Variants in KLF8 observed in about 807,000 individuals in gnomAD.
KLF8 encodes the protein Krueppel-like factor 8.
Under a neutral mutation model 18.2 loss-of-function variants are expected in KLF8, and 10 were observed. The observed-to-expected ratio is 0.55, with a 90% confidence interval of 0.34 to 0.93. KLF8 has a LOEUF of 0.93. Ranked by LOEUF, KLF8 falls within the 40% of genes least tolerant of loss-of-function variation. KLF8 has a pLI of 0.02. For synonymous variants in KLF8, 109 were observed against 97.3 expected (o/e 1.12, Z -0.71); for missense variants, 264 against 277.9 (o/e 0.95, Z 0.36).
intron 1 of KLF8, among the ~76,000 whole-genome samples, chrX:56,239,505 T>C (rs1158946779): frequency 2.7e-5 from 3 of 112,313 alleles, no homozygotes; most frequent in Non-Finnish European, 5.6e-5. Context: ...TGACCTAGAC[T>C]GCAAATTTAC....
the KLF8 span, among the ~76,000 whole-genome samples, chrX:56,183,944 T>G: frequency 9.0e-6 from 1 of 110,629 alleles, no homozygotes; most frequent in Admixed American, 9.6e-5. Context: ...CCATGAGCGA[T>G]GCAGAAGATG....
At chrX:56,092,251 T>A in the KLF8 span, among the ~76,000 whole-genome samples, 2 of 111,890 alleles carry the variant, frequency 1.8e-5, no homozygotes, top group Non-Finnish European at 3.8e-5. Context: ...GCAAATACTT[T>A]CTTCCATTCT....
chrX:56,053,194 T>G, the KLF8 span, among the ~76,000 whole-genome samples: 1 of 112,204 alleles, frequency 8.9e-6, no homozygotes, highest in African/African-American at 3.2e-5. Flanking sequence ...ATGAACCCGG[T>G]ACCTCAGATG....
At chrX:56,148,573 TAATAATTA>T in the KLF8 span, among the ~76,000 whole-genome samples, 1 of 112,005 alleles carries the variant, frequency 8.9e-6, no homozygotes, top group African/African-American at 3.2e-5. Flanking sequence ...CTCACGCTGC[TAATAATTA>T]AAGACATACT....
the KLF8 span, among the ~76,000 whole-genome samples, chrX:56,058,861 A>G: frequency 5.4e-5 from 6 of 111,613 alleles, no homozygotes; most frequent in African/African-American, 2.0e-4. Flanking sequence ...CTTTGGGTGT[A>G]TACCCAGTAG....
the KLF8 span, among the ~76,000 whole-genome samples, chrX:56,067,194 T>C: frequency 9.5e-6 from 1 of 104,848 alleles, no homozygotes; most frequent in African/African-American, 3.4e-5. Flanking sequence ...AGGCATCCAG[T>C]ACTCACGTCT....
At chrX:56,008,879 G>C in the KLF8 span, among the ~76,000 whole-genome samples, 1 of 111,940 alleles carries the variant, frequency 8.9e-6, no homozygotes, top group Admixed American at 9.4e-5. Flanking sequence ...TCACTGGGCT[G>C]GTTCTCCCTG....
the KLF8 span, among the ~76,000 whole-genome samples, chrX:56,034,703 T>C: frequency 1.1e-5 from 1 of 92,292 alleles, no homozygotes; most frequent in Admixed American, 1.0e-4. Flanking sequence ...TTTTTAACTA[T>C]AGTCATCTTA....
At chrX:55,909,057 C>A in the KLF8 span, among the ~76,000 whole-genome samples, 1 of 111,388 alleles carries the variant, frequency 9.0e-6, no homozygotes, top group African/African-American at 3.3e-5. Context: ...AGAGCCTCGA[C>A]TTCCTCCCTC....
the KLF8 span, among the ~76,000 whole-genome samples, chrX:56,030,767 C>T: frequency 9.3e-6 from 1 of 107,785 alleles, no homozygotes; most frequent in Admixed American, 1.0e-4. Context: ...CTGTTGGTGC[C>T]ATCTCCTGCC....
the KLF8 span, among the ~76,000 whole-genome samples, chrX:56,048,929 C>A: frequency 4.8e-4 from 53 of 111,475 alleles, no homozygotes; most frequent in African/African-American, 1.5e-3. Flanking sequence ...TTGTTTGTAT[C>A]CTCTTTTGTT....
At chrX:56,216,064 C>T in the KLF8 span, among the ~76,000 whole-genome samples, 2 of 107,160 alleles carry the variant, frequency 1.9e-5, no homozygotes, top group African/African-American at 3.4e-5. Flanking sequence ...ATCTTAGACA[C>T]TTCCCTCTCC....
At chrX:56,269,259 A>G (rs902521474) in intron 3 of KLF8, 119 bp from the exon 4 acceptor site, 1 of 1,043,210 alleles carries the variant, frequency 9.6e-7, no homozygotes, top group Admixed American at 4.4e-5. Flanking sequence ...CTTGTTTTTT[A>G]TTTCTTTATT....
At chrX:56,069,778 CTGCCCAGCGGTCT>C in the KLF8 span, among the ~76,000 whole-genome samples, 1 of 112,038 alleles carries the variant, frequency 8.9e-6, no homozygotes, top group Non-Finnish European at 1.9e-5. Flanking sequence ...GCCCGGCTTC[CTGCCCAGCGGTCT>C]TGCCCAGCTT....
At chrX:56,050,368 A>C in the KLF8 span, among the ~76,000 whole-genome samples, 21 of 111,613 alleles carry the variant, frequency 1.9e-4, 1 homozygote, top group African/African-American at 6.8e-4. Context: ...TTAGTGTGTC[A>C]ATTTTAGATC....
the KLF8 span, among the ~76,000 whole-genome samples, chrX:56,165,432 A>C: frequency 8.9e-6 from 1 of 112,460 alleles, no homozygotes; most frequent in Non-Finnish European, 1.9e-5. Context: ...TGTTACATTA[A>C]AATCCATTGG....
the KLF8 span, among the ~76,000 whole-genome samples, chrX:56,063,169 A>G: frequency 9.0e-6 from 1 of 111,430 alleles, no homozygotes; most frequent in Admixed American, 9.6e-5. Context: ...ACTTCCTTCA[A>G]TTCATCAAAT....
chrX:55,973,376 G>T, the KLF8 span, among the ~76,000 whole-genome samples: 2 of 111,843 alleles, frequency 1.8e-5, no homozygotes, highest in Non-Finnish European at 3.8e-5. Context: ...AAATTAAAGA[G>T]GTTCTACCTA....
chrX:55,929,800 A>G, the KLF8 span, among the ~76,000 whole-genome samples: 1 of 106,251 alleles, frequency 9.4e-6, no homozygotes, highest in East Asian at 2.9e-4. Flanking sequence ...GTCAGGTAGC[A>G]TGATGCCTCC....
Sources: allele counts gnomAD v4.1 joint callset (sites outside exome capture counted in the v4.1 genomes callset), GRCh38; gene constraint gnomAD v4.1.1; transcripts MANE v1.5; gene names NCBI Gene and HGNC (gene_info 2026-07-23, HGNC 2026-07-21).